The following SBF2 variants were observed in gnomAD, a reference collection of about 807,000 sequenced individuals.
SBF2 encodes the protein SET binding factor 2, also known as myotubularin-related protein 13.
SBF2 carries 112 observed loss-of-function variants against 225.2 expected under a neutral mutation model. That is an observed-to-expected ratio of 0.50 (90% CI 0.43 to 0.58). SBF2 has a LOEUF of 0.58. Among genes scored for constraint, SBF2 ranks in the 20% least tolerant of loss-of-function variants. The pLI, the probability that SBF2 is intolerant of heterozygous loss-of-function variation, is 0.00. For missense variants in SBF2, 1,996 were observed against 2,206.2 expected (o/e 0.90, Z 1.91); for synonymous variants, 763 against 773.3 (o/e 0.99, Z 0.22).
At chr11:10,301,850 T>G (rs563572455) in intron 1 of SBF2, among the ~76,000 whole-genome samples, 1 of 152,206 alleles carries the variant, frequency 6.6e-6, no homozygotes, top group African/African-American at 2.4e-5. Context: ...CAAAAACCCT[T>G]TAGCATATGT....
chr11:10,260,415 C>T (rs1334165075), intron 1 of SBF2, among the ~76,000 whole-genome samples: 1 of 144,082 alleles, frequency 6.9e-6, no homozygotes, highest in Non-Finnish European at 1.6e-5. Context: ...AAGACCCCAT[C>T]TCTACAAAAA....
intron 17 of SBF2, among the ~76,000 whole-genome samples, chr11:9,881,377 T>G (rs1404182527): frequency 6.6e-6 from 1 of 152,102 alleles, no homozygotes; most frequent in African/African-American, 2.4e-5. Context: ...CTCAAAACGC[T>G]GGGGTGAAGC....
intron 1 of SBF2, among the ~76,000 whole-genome samples, chr11:10,211,978 A>C (rs1957958737): frequency 6.6e-6 from 1 of 152,172 alleles, no homozygotes; most frequent in Admixed American, 6.5e-5. Flanking sequence ...ATTCTCCAAA[A>C]TGTATCTATC....
chr11:9,789,605 A>G (rs904026133), intron 34 of SBF2, among the ~76,000 whole-genome samples: 4 of 152,240 alleles, frequency 2.6e-5, no homozygotes, highest in Non-Finnish European at 4.4e-5. Context: ...TGGATTCCTC[A>G]GAATTTTATA....
intron 30 of SBF2, chr11:9,811,218 GAA>G (rs1220145547): frequency 6.6e-6 from 1 of 152,210 alleles, no homozygotes; most frequent in East Asian, 1.9e-4. Flanking sequence ...GGTGAGGATA[GAA>G]AAACTACCTA....
chr11:9,984,759 G>A (rs1947123279), intron 13 of SBF2, among the ~76,000 whole-genome samples: 1 of 152,192 alleles, frequency 6.6e-6, no homozygotes, highest in Non-Finnish European at 1.5e-5. Flanking sequence ...AACTAGAAGA[G>A]ACTGGAGCCC....
intron 32 of SBF2, among the ~76,000 whole-genome samples, chr11:9,803,916 G>C (rs1048307287): frequency 6.6e-5 from 10 of 152,162 alleles, no homozygotes; most frequent in African/African-American, 2.4e-4. Context: ...TTCCTGCCAG[G>C]AGGAAAATGA....
chr11:10,290,547 T>C (rs1237040901), intron 1 of SBF2, among the ~76,000 whole-genome samples: 1 of 151,808 alleles, frequency 6.6e-6, no homozygotes, highest in African/African-American at 2.4e-5. Flanking sequence ...GGTAGGGGGA[T>C]GGAGGAGATG....
intron 30 of SBF2, chr11:9,811,231 T>C (rs1000984250): frequency 2.0e-5 from 3 of 152,196 alleles, no homozygotes; most frequent in Non-Finnish European, 4.4e-5. Flanking sequence ...AAACTACCTA[T>C]CAGGTACTAT....
chr11:9,968,506 G>A lies in SBF2; in HGVS notation c.1435C>T (p.Arg479Trp), dbSNP rs780872200. The change falls in exon 14 of 40, where the codon CGG (arginine) becomes TGG (tryptophan). Residue 479 changes from arginine to tryptophan, a missense_variant. Arg to Trp is a moderately radical substitution (Grantham distance 101, BLOSUM62 -3). Transcript: ENST00000256190. ...CGCAAATGGGATCCTTCTGTTGGCC[G>A]TGGAACTTTCTGGAATGCCATATGA... ...NPHMAFQKVP[R>W]PTEGSHLRVH... The A allele has an allele frequency of 6.8e-6, 11 of 1,614,072 alleles. No homozygotes were observed. The highest frequency in any genetic ancestry group is 2.7e-5 in the African/African-American group (2 of 75,006).
chr11:10,021,439 C>CA (rs930400195), intron 6 of SBF2, among the ~76,000 whole-genome samples: 4 of 146,810 alleles, frequency 2.7e-5, no homozygotes, highest in African/African-American at 7.6e-5. Context: ...CATAGGCTGC[C>CA]AAAAAAACAA....
intron 2 of SBF2, among the ~76,000 whole-genome samples, chr11:10,146,781 G>A (rs1954907247): frequency 6.6e-6 from 1 of 151,974 alleles, no homozygotes; most frequent in Non-Finnish European, 1.5e-5. Context: ...CAGAGTAAAC[G>A]ACAACCTACA....
At chr11:10,168,722 T>G (rs903328630) in intron 2 of SBF2, among the ~76,000 whole-genome samples, 2 of 152,246 alleles carry the variant, frequency 1.3e-5, no homozygotes, top group Non-Finnish European at 2.9e-5. Context: ...GCTTCTCAAC[T>G]AAGGACATGT....
chr11:10,047,494 T>G (rs1949907632), intron 2 of SBF2, among the ~76,000 whole-genome samples: 1 of 152,202 alleles, frequency 6.6e-6, no homozygotes, highest in Non-Finnish European at 1.5e-5. Flanking sequence ...TATATACACA[T>G]GCAAAGTGCT....
intron 16 of SBF2, among the ~76,000 whole-genome samples, chr11:9,941,510 CA>C (rs1182016749): frequency 6.6e-6 from 1 of 151,966 alleles, no homozygotes; most frequent in Non-Finnish European, 1.5e-5. Flanking sequence ...GCTCCAATAC[CA>C]GCCAAGGAGT....
intron 16 of SBF2, among the ~76,000 whole-genome samples, chr11:9,935,917 A>G (rs964942914): frequency 1.1e-4 from 16 of 152,344 alleles, no homozygotes; most frequent in African/African-American, 3.8e-4. Flanking sequence ...CATGACTAAA[A>G]CACCAAAAGC....
intron 1 of SBF2, among the ~76,000 whole-genome samples, chr11:10,282,995 G>A (rs531196777): frequency 9.9e-5 from 15 of 152,122 alleles, no homozygotes; most frequent in African/African-American, 2.7e-4. Context: ...TTTCCTCTAT[G>A]CCTATAATCT....
intron 2 of SBF2, among the ~76,000 whole-genome samples, chr11:10,129,911 G>C (rs1271748673): frequency 6.6e-6 from 1 of 152,126 alleles, no homozygotes; most frequent in African/African-American, 2.4e-5. Context: ...TTGGGAAGCT[G>C]AGGTGGGAAT....
At chr11:9,892,822 G>A (rs576235579) in intron 17 of SBF2, among the ~76,000 whole-genome samples, 77 of 152,178 alleles carry the variant, frequency 5.1e-4, no homozygotes, top group Admixed American at 2.6e-3. Flanking sequence ...GCCTCCCAAA[G>A]TTTTGGGATT....
Sources: gnomAD v4.1 joint callset for allele counts (sites outside exome capture counted in the v4.1 genomes callset) on GRCh38, gnomAD v4.1.1 for gene constraint, MANE v1.5 for transcripts, NCBI Gene and HGNC (gene_info 2026-07-23, HGNC 2026-07-21) for gene names.